Variants in ATP10B observed in about 807,000 individuals in gnomAD.
The protein encoded by ATP10B is ATPase phospholipid transporting 10B (putative).
A neutral mutation model predicts 141.2 loss-of-function variants in ATP10B; 122 were observed. The observed-to-expected ratio is 0.86, with a 90% confidence interval of 0.75 to 1.00. The LOEUF (loss-of-function observed/expected upper bound fraction) is 1.00, where lower values mean the gene tolerates loss of function less well. Ranked by LOEUF, ATP10B falls within the 50% of genes least tolerant of loss-of-function variation. The probability of loss-of-function intolerance (pLI) is 0.00; values close to 1 mark genes in which losing one functional copy is unlikely to be tolerated. For synonymous variants in ATP10B, 685 were observed against 692.0 expected, an observed-to-expected ratio of 0.99 and a Z score of 0.16; for missense variants, 1,876 against 1,825.3, an observed-to-expected ratio of 1.03 and a Z score of -0.51.
At chr5:160,675,860 G>T (rs1381342619) in intron 6 of ATP10B, among the ~76,000 whole-genome samples, 1 of 132,078 alleles carries the variant, frequency 7.6e-6, no homozygotes, top group African/African-American at 2.9e-5. Flanking sequence ...TGAGGCCAGA[G>T]AAGCAGGGGG....
the ATP10B span, among the ~76,000 whole-genome samples, chr5:160,873,770 G>A: frequency 6.6e-6 from 1 of 152,226 alleles, no homozygotes; most frequent in Non-Finnish European, 1.5e-5. Flanking sequence ...AGAAAGGGGT[G>A]ACAGACGGCA....
At chr5:160,753,489 T>C (rs1768304173) in intron 2 of ATP10B, among the ~76,000 whole-genome samples, 1 of 152,230 alleles carries the variant, frequency 6.6e-6, no homozygotes. Flanking sequence ...ACATTAGTTA[T>C]TATTCTCTAT....
At chr5:160,652,913 GTATATATAATATAT>G (rs1198824825) in intron 7 of ATP10B, among the ~76,000 whole-genome samples, 24 of 56,970 alleles carry the variant, frequency 4.2e-4, no homozygotes, top group Admixed American at 2.8e-4. Flanking sequence ...ATATATACAT[GTATATATAATATAT>G]TATATATACA....
rs79831523 is a variant in ATP10B, at chr5:160,789,585, C to T, written c.-575-3782G>A. 5.8e-3 allele frequency among the ~76,000 whole-genome samples: 886 copies of T among 152,156 alleles called. 7 individuals are homozygous for T. The highest frequency in any genetic ancestry group is 0.019 in the African/African-American group (801 of 41,514). On this transcript the variant is annotated intron_variant, in intron 1 of 25. Transcript: ENST00000327245. ...ATTGTATCTGTGGTCTGCTGTTGAC[C>T]GAAATGTCATTTTGTGGCACATGAC...
intron 6 of ATP10B, among the ~76,000 whole-genome samples, chr5:160,683,040 CAA>C (rs35571529): frequency 7.2e-4 from 48 of 66,956 alleles, no homozygotes; most frequent in African/African-American, 1.2e-3. Flanking sequence ...CTCTGTCCCC[CAA>C]AAAAAAAAAA....
At chr5:160,693,029 TAGA>T (rs1488924307) in intron 3 of ATP10B, 1 of 152,132 alleles carries the variant, frequency 6.6e-6, no homozygotes, top group African/African-American at 2.4e-5. Flanking sequence ...ACCTCTCTGG[TAGA>T]AACACTAAAA....
chr5:160,739,333 G>A (rs1460197309), intron 2 of ATP10B, among the ~76,000 whole-genome samples: 1 of 152,146 alleles, frequency 6.6e-6, no homozygotes, highest in Non-Finnish European at 1.5e-5. Context: ...GCCAGGCAGT[G>A]CAATAAGGCA....
At chr5:160,639,689 T>C (rs1013865001) in intron 10 of ATP10B, among the ~76,000 whole-genome samples, 53 of 152,248 alleles carry the variant, frequency 3.5e-4, no homozygotes, top group African/African-American at 1.2e-3. Flanking sequence ...TGGCTGGTTT[T>C]GCGGAAGACA....
chr5:160,876,751 A>C, the ATP10B span, among the ~76,000 whole-genome samples: 2 of 151,420 alleles, frequency 1.3e-5, no homozygotes, highest in Admixed American at 6.6e-5. Flanking sequence ...AGAATACTAC[A>C]AACACCTCTA....
chr5:160,904,880 T>TGACA, the ATP10B span, among the ~76,000 whole-genome samples: 2 of 152,182 alleles, frequency 1.3e-5, no homozygotes, highest in Non-Finnish European at 2.9e-5. Flanking sequence ...AAGCATAGAA[T>TGACA]GACAGCTGGA....
At chr5:160,926,289 G>A in the ATP10B span, among the ~76,000 whole-genome samples, 2,822 of 152,178 alleles carry the variant, frequency 0.019, 91 homozygotes, top group African/African-American at 0.065. Flanking sequence ...GGTAATTACC[G>A]CCAGGATTCA....
intron 6 of ATP10B, among the ~76,000 whole-genome samples, chr5:160,672,746 C>T (rs947500676): frequency 6.6e-6 from 1 of 152,218 alleles, no homozygotes; most frequent in African/African-American, 2.4e-5. Context: ...CTGAGCTGCA[C>T]TGGGCATGAC....
intron 1 of ATP10B, among the ~76,000 whole-genome samples, chr5:160,832,229 A>C (rs936663611): frequency 6.6e-6 from 1 of 152,150 alleles, no homozygotes; most frequent in Non-Finnish European, 1.5e-5. Flanking sequence ...CAGCCTTAGA[A>C]ATACTCATAA....
intron 1 of ATP10B, among the ~76,000 whole-genome samples, chr5:160,795,583 T>TA (rs397792730): frequency 6.6e-5 from 10 of 150,778 alleles, no homozygotes; most frequent in East Asian, 3.9e-4. Context: ...TTTTTTTTTT[T>TA]AATTTGGGAA....
intron 1 of ATP10B, among the ~76,000 whole-genome samples, chr5:160,795,248 C>CTTTCTTAAAG (rs1771855992): frequency 6.6e-6 from 1 of 152,140 alleles, no homozygotes; most frequent in Non-Finnish European, 1.5e-5. Context: ...TGCAAAATAT[C>CTTTCTTAAAG]TTTCTTAAAG....
At chr5:160,640,699 C>T (rs1411190786) in intron 9 of ATP10B, 107 bp from the exon 10 acceptor site, 2 of 1,431,176 alleles carry the variant, frequency 1.4e-6, no homozygotes, top group Non-Finnish European at 1.9e-6. Flanking sequence ...AGAGGCTTCA[C>T]TCTTTAACCT....
the ATP10B span, among the ~76,000 whole-genome samples, chr5:160,914,217 T>G: frequency 1.3e-5 from 2 of 152,336 alleles, no homozygotes; most frequent in East Asian, 1.9e-4. Context: ...TAAACTAAGC[T>G]TTCTTCTATG....
chr5:160,622,694 T>C (rs1382109693), intron 13 of ATP10B, 109 bp from the exon 14 acceptor site: 3 of 1,055,134 alleles, frequency 2.8e-6, no homozygotes, highest in Non-Finnish European at 4.1e-6. Context: ...CAGTCTTGCA[T>C]CCAGCATGTT....
chr5:160,911,082 T>C, the ATP10B span, among the ~76,000 whole-genome samples: 137 of 152,306 alleles, frequency 9.0e-4, no homozygotes, highest in Admixed American at 2.9e-3. Flanking sequence ...ATTTAAAAAA[T>C]TGGGGAGAAA....
Sources: gnomAD v4.1 joint callset for allele counts (sites outside exome capture counted in the v4.1 genomes callset) on GRCh38, gnomAD v4.1.1 for gene constraint, MANE v1.5 for transcripts, NCBI Gene and HGNC (gene_info 2026-07-23, HGNC 2026-07-21) for gene names.